Variants in MGRN1 observed in about 807,000 individuals in gnomAD.
MGRN1 encodes mahogunin ring finger 1.
MGRN1 carries 29 observed loss-of-function variants against 69.2 expected under a neutral mutation model. The observed-to-expected ratio is 0.42, with a 90% confidence interval of 0.31 to 0.57. MGRN1 has a LOEUF of 0.57. MGRN1 is among the 20% of genes least tolerant of loss of function. The pLI is 0.15. For synonymous variants in MGRN1, 470 were observed against 344.2 expected (o/e 1.37, Z -4.04); for missense variants, 998 against 796.2 (o/e 1.25, Z -3.05).
In MGRN1 at chr16:4,624,920, C is replaced by G. The variant is rs748982134; in HGVS notation, c.-41C>G. On this transcript the variant is annotated 5_prime_UTR_variant, in exon 1 of 17. Transcript: ENST00000262370. ...AGGACCCCGCCGCTGTCGCCGCTCC[C>G]GTTCCGGCCCTGGCCCCTCTGCCCG... The G allele has an allele frequency of 1.3e-6, 2 of 1,485,348 alleles. No individual in the cohort carries two copies. The highest frequency in any genetic ancestry group is 9.0e-7 in the Non-Finnish European group (1 of 1,112,766). The allele number at this position is 1,485,348 out of a possible 1,614,324, so 92.0% of individuals were successfully genotyped here.
intron 8 of MGRN1, 54 bp downstream of exon 8, chr16:4,668,366 ATCAC>A (rs988886349): frequency 2.1e-4 from 332 of 1,582,746 alleles, no homozygotes; most frequent in Admixed American, 1.2e-3. Flanking sequence ...CACATATACA[ATCAC>A]TCACACGCAT....
intron 1 of MGRN1, chr16:4,640,742 G>T (rs1233309053): frequency 6.6e-6 from 1 of 152,262 alleles, no homozygotes; most frequent in African/African-American, 2.4e-5. Flanking sequence ...GGTTTTTTGT[G>T]TGTGAACAGT....
At chr16:4,688,362 C>G in intron 16 of MGRN1, 1 of 996,432 alleles carries the variant, frequency 1.0e-6, no homozygotes, top group African/African-American at 1.7e-5. Context: ...TGAGCACGGG[C>G]TTGTTCTCAC....
rs715109 is a variant in MGRN1 at position 4,671,467 on chromosome 16, T to A, written c.795+8T>A. On this transcript the variant is annotated splice_region_variant and intron_variant, in intron 9 of 16. Transcript: ENST00000262370. ...AACAACCAGGAGACCAAGGTGTGTA[T>A]CTGGGTGAGGTTTCCCTCTGCCATT... 2 of 1,613,512 alleles carry A rather than the reference T, an allele frequency of 1.2e-6. No homozygotes were observed.
intron 1 of MGRN1, chr16:4,649,510 A>ATCT (rs1476317863): frequency 1.3e-5 from 2 of 152,134 alleles, no homozygotes; most frequent in African/African-American, 4.8e-5. Context: ...CATCACTGCA[A>ATCT]TCTCTTGCCT....
chr16:4,628,189 A>G (rs902942490), intron 1 of MGRN1, among the ~76,000 whole-genome samples: 1 of 151,804 alleles, frequency 6.6e-6, no homozygotes, highest in African/African-American at 2.4e-5. Context: ...GATCGAGACC[A>G]TCCTGGCTAA....
At chr16:4,680,140 TCATTTTTAAACC>T in intron 12 of MGRN1, 43 bp downstream of exon 12, 2 of 1,592,370 alleles carry the variant, frequency 1.3e-6, no homozygotes, top group Non-Finnish European at 1.7e-6. Context: ...GCCCCCGCCC[TCATTTTTAAACC>T]CACGACAAGT....
chr16:4,665,470 G>GC (rs1307166441), intron 7 of MGRN1, among the ~76,000 whole-genome samples: 2 of 151,092 alleles, frequency 1.3e-5, no homozygotes, highest in African/African-American at 2.4e-5. Flanking sequence ...CTGGGTTCAA[G>GC]CGATTCTCCC....
At chr16:4,687,487 C>T (rs2079354630) in intron 16 of MGRN1, 2 of 976,704 alleles carry the variant, frequency 2.0e-6, no homozygotes, top group South Asian at 9.5e-5. Flanking sequence ...TCAAGGCCCA[C>T]TCCAGCCTGA....
chr16:4,650,311 C>T lies in MGRN1; in HGVS notation c.89-54C>T, dbSNP rs571660044. ...CGCCACTGCACTCTAGCCTGAGACT[C>T]TGTCTCAAAAAAAAAAAAAAAAAAT... On this transcript the variant is annotated intron_variant, in intron 1 of 16. Coordinates refer to ENST00000262370, the MANE Select transcript of MGRN1 (RefSeq NM_015246.4). The T allele has an allele frequency of 6.3e-3, 8,745 of 1,380,352 alleles. 47 individuals are homozygous for T. The highest frequency in any genetic ancestry group is 7.7e-3 in the Non-Finnish European group (7,673 of 999,776). The allele number at this position is 1,380,352 out of a possible 1,614,324, so 85.5% of individuals were successfully genotyped here. A position where few individuals can be genotyped will look rare whatever the true frequency, so the allele number is the denominator to read the frequency against.
At chr16:4,659,529 G>A (rs902330365) in intron 5 of MGRN1, among the ~76,000 whole-genome samples, 3 of 152,184 alleles carry the variant, frequency 2.0e-5, no homozygotes, top group Admixed American at 6.5e-5. Flanking sequence ...TTGGAATCAC[G>A]ATGCCCCCAG....
At chr16:4,672,596 G>A (rs1045829455) in intron 9 of MGRN1, 1 of 391,392 alleles carries the variant, frequency 2.6e-6, no homozygotes, top group Non-Finnish European at 5.1e-6. Context: ...CAGCCGCCCG[G>A]GCATATGGTC....
At chr16:4,631,865 G>A (rs1898017856) in intron 1 of MGRN1, among the ~76,000 whole-genome samples, 1 of 149,466 alleles carries the variant, frequency 6.7e-6, no homozygotes, top group African/African-American at 2.5e-5. Flanking sequence ...CCATGAACAT[G>A]GTATATCTCT....
At chr16:4,682,973 G>A (rs560958190) in intron 14 of MGRN1, 27 bp downstream of exon 14, 30 of 1,517,334 alleles carry the variant, frequency 2.0e-5, no homozygotes, top group South Asian at 5.1e-5. Flanking sequence ...GAAGCTTTGC[G>A]CACCCGCCCG....
intron 2 of MGRN1, 25 bp downstream of exon 2, chr16:4,650,508 T>C: frequency 6.4e-7 from 1 of 1,552,138 alleles, no homozygotes; most frequent in Non-Finnish European, 8.8e-7. Flanking sequence ...GGCTGTCTCA[T>C]GGGGCTGTGG....
intron 1 of MGRN1, among the ~76,000 whole-genome samples, chr16:4,644,184 G>T (rs2078225269): frequency 6.6e-6 from 1 of 151,638 alleles, no homozygotes; most frequent in Non-Finnish European, 1.5e-5. Context: ...TAGAGATGGG[G>T]TTTTACCATG....
intron 1 of MGRN1, among the ~76,000 whole-genome samples, chr16:4,626,276 G>A (rs1897674540): frequency 6.6e-6 from 1 of 152,220 alleles, no homozygotes; most frequent in African/African-American, 2.4e-5. Flanking sequence ...GAGCACAGCT[G>A]TATCCCAGGC....
At chr16:4,638,196 G>A (rs931151848) in intron 1 of MGRN1, among the ~76,000 whole-genome samples, 6 of 152,152 alleles carry the variant, frequency 3.9e-5, no homozygotes, top group Admixed American at 3.3e-4. Context: ...AAGGTTGGGT[G>A]TGGTGGCTCC....
chr16:4,665,105 T>C lies in MGRN1; in HGVS notation c.632T>C (p.Val211Ala). The C allele has an allele frequency of 6.2e-7, 1 of 1,614,152 alleles. No homozygotes were observed. Among genetic ancestry groups the C allele is most frequent in the South Asian group, 1.1e-5 (1 of 91,090 alleles). The change falls in exon 7 of 17, where the codon GTG becomes GCG. Residue 211 changes from valine (V) to alanine (A), a missense_variant. Val to Ala is a moderately conservative substitution (Grantham distance 64). Transcript: ENST00000262370. ...IQAVVDEGDV[V>A]EVTGHAHVLL... Reference sequence around the variant, plus strand: ...TCTGCCCCTCTCTCCCCAGCAGTGGTGGAAGTGACTGGCCACGCCCACGTG... The same window carrying C: ...TCTGCCCCTCTCTCCCCAGCAGTGGCGGAAGTGACTGGCCACGCCCACGTG...
Sources: gnomAD v4.1 joint callset for allele counts (sites outside exome capture counted in the v4.1 genomes callset) on GRCh38, gnomAD v4.1.1 for gene constraint, MANE v1.5 for transcripts, NCBI Gene and HGNC (gene_info 2026-07-23, HGNC 2026-07-21) for gene names.